The following ADCY2 variants were observed in gnomAD, a reference collection of about 807,000 sequenced individuals.
ADCY2 encodes adenylate cyclase 2.
In ADCY2, 31 loss-of-function variants were observed where a neutral mutation model predicts 125.2. That is an observed-to-expected ratio of 0.25 (90% confidence interval 0.19 to 0.33). The LOEUF (loss-of-function observed/expected upper bound fraction) is 0.33, where lower values mean the gene tolerates loss of function less well. ADCY2 is among the 10% of genes least tolerant of loss of function. The pLI is 1.00. For synonymous variants in ADCY2, 512 were observed against 548.4 expected (o/e 0.93, Z 0.93); for missense variants, 904 against 1,418.2 (o/e 0.64, Z 5.82).
In ADCY2 at chr5:7,396,268, G is replaced by T; in HGVS notation, c.-29G>T. The T allele has an allele frequency of 3.7e-6, 4 of 1,093,912 alleles. No individual in the cohort carries two copies. The highest frequency in any genetic ancestry group is 4.4e-6 in the Non-Finnish European group (4 of 900,296). 67.8% of individuals were successfully genotyped at this position (1,093,912 alleles called of 1,614,324 possible). A position where few individuals can be genotyped will look rare whatever the true frequency, so the allele number is the denominator to read the frequency against. The stretch of plus-strand genomic sequence containing the variant: ...GAGCGGCGCTGCCCGGGCCGGGCGC[G>T]CACGGCGGGCGCCCTGTGAGCGGCC... On this transcript the variant is annotated 5_prime_UTR_variant, in exon 1 of 25. Transcript: ENST00000338316. The surrounding 1 kb of genome is among the most constrained non-coding windows in gnomAD (Gnocchi z 5.7).
intron 3 of ADCY2, among the ~76,000 whole-genome samples, chr5:7,546,961 C>G (rs1009667660): frequency 2.0e-5 from 3 of 152,186 alleles, no homozygotes; most frequent in Admixed American, 6.5e-5. Context: ...CCATAAACAA[C>G]TTTACATCAT....
chr5:7,703,885 C>A (rs1344101063), intron 7 of ADCY2, among the ~76,000 whole-genome samples: 9 of 151,662 alleles, frequency 5.9e-5, no homozygotes, highest in Non-Finnish European at 1.2e-4. Context: ...ACGCCTGTAA[C>A]TTTAGCTACT....
chr5:7,431,207 TG>T (rs1740587145), intron 2 of ADCY2, among the ~76,000 whole-genome samples: 1 of 152,182 alleles, frequency 6.6e-6, no homozygotes, highest in Non-Finnish European at 1.5e-5. Context: ...TTTAGGCCAA[TG>T]GGATACACTA....
chr5:7,705,649 C>G (rs1741243895), intron 7 of ADCY2, among the ~76,000 whole-genome samples: 1 of 152,128 alleles, frequency 6.6e-6, no homozygotes, highest in Admixed American at 6.5e-5. Context: ...TGCTGATGCT[C>G]TGGCTCGTTT....
chr5:7,598,772 G>A (rs552133012), intron 3 of ADCY2, among the ~76,000 whole-genome samples: 19 of 152,124 alleles, frequency 1.2e-4, no homozygotes, highest in African/African-American at 1.7e-4. Context: ...GACACCTCCC[G>A]AAAGAGCCAC....
intron 2 of ADCY2, among the ~76,000 whole-genome samples, chr5:7,512,081 C>T (rs750309491): frequency 1.3e-5 from 2 of 150,898 alleles, no homozygotes; most frequent in Non-Finnish European, 3.0e-5. Flanking sequence ...ATTAGCCAGG[C>T]GTGGTGGTGC....
At chr5:7,420,975 G>T (rs1184433325) in intron 2 of ADCY2, among the ~76,000 whole-genome samples, 3 of 152,082 alleles carry the variant, frequency 2.0e-5, no homozygotes, top group Admixed American at 1.3e-4. Context: ...TAGTAAGTGG[G>T]ATCATTTTTA....
chr5:7,446,608 A>G (rs1741266209), intron 2 of ADCY2, among the ~76,000 whole-genome samples: 1 of 152,164 alleles, frequency 6.6e-6, no homozygotes, highest in Non-Finnish European at 1.5e-5. Flanking sequence ...GGTATACAGA[A>G]TAGAGTTATT....
chr5:7,787,082 A>T (rs1744105418), intron 19 of ADCY2, among the ~76,000 whole-genome samples: 1 of 152,112 alleles, frequency 6.6e-6, no homozygotes, highest in Non-Finnish European at 1.5e-5. Flanking sequence ...TCTTCATGGG[A>T]TCTGGGCCCC....
intron 3 of ADCY2, among the ~76,000 whole-genome samples, chr5:7,545,004 A>G (rs1735106078): frequency 6.6e-6 from 1 of 152,178 alleles, no homozygotes; most frequent in South Asian, 2.1e-4. Flanking sequence ...CCTCTGGGCT[A>G]GCAAGGAAGA....
intron 19 of ADCY2, 36 bp downstream of exon 19, chr5:7,784,485 T>G (rs185918062): frequency 3.4e-4 from 495 of 1,461,450 alleles, no homozygotes; most frequent in Admixed American, 1.8e-3. Context: ...ATGTATACCT[T>G]CTCTAAAGTG....
chr5:7,398,790 T>G (rs540137210), intron 1 of ADCY2, among the ~76,000 whole-genome samples: 2 of 152,364 alleles, frequency 1.3e-5, no homozygotes, highest in East Asian at 3.9e-4. Context: ...AAATGTGCCC[T>G]GTGTTCTGAA....
Position 7,725,833 on chromosome 5 carries a change from CA to C in ADCY2, c.1773+1223del, listed in dbSNP as rs1741912370. Among the ~76,000 whole-genome samples the C allele has an allele frequency of 5.3e-5, 8 of 152,170 alleles. 1 individual carries two copies. In the South Asian group the frequency reaches 1.7e-3, roughly 32 times the overall value. On this transcript the variant is annotated intron_variant, in intron 13 of 24. Coordinates refer to ENST00000338316, the MANE Select transcript of ADCY2 (RefSeq NM_020546.3). Reference sequence around the variant, plus strand: ...GGAAATTATGCTGGCTACTAAGTCACAAAATATACCCCCCAAAATTCTAGTA... The same window carrying C: ...GGAAATTATGCTGGCTACTAAGTCACAAATATACCCCCCAAAATTCTAGTA...
At chr5:7,820,458 C>T in intron 23 of ADCY2, 107 bp from the exon 24 acceptor site, 1 of 1,404,880 alleles carries the variant, frequency 7.1e-7, no homozygotes, top group Non-Finnish European at 9.6e-7. Context: ...TGCGCCACTG[C>T]ACTCCAGCCT....
intron 3 of ADCY2, among the ~76,000 whole-genome samples, chr5:7,547,775 T>C (rs1735194590): frequency 6.6e-6 from 1 of 152,188 alleles, no homozygotes; most frequent in Non-Finnish European, 1.5e-5. Flanking sequence ...ATGGTTTTGT[T>C]TTTGACAATG....
chr5:7,814,283 A>C (rs1745034786), intron 22 of ADCY2, among the ~76,000 whole-genome samples: 1 of 152,038 alleles, frequency 6.6e-6, no homozygotes, highest in African/African-American at 2.4e-5. Context: ...CTTCTTCTCC[A>C]TTCATATTTA....
In ADCY2 at chr5:7,396,788, C is replaced by A. The variant is rs1267022407; in HGVS notation, c.210+282C>A. Among the ~76,000 whole-genome samples the A allele has an allele frequency of 7.9e-5, 12 of 152,174 alleles. No individual in the cohort carries two copies. ...GGACGGGCAGGGCGTGTGCTTTTTG[C>A]ATCTTTGCGCACCCGCTGGCAAACT... is the stretch of plus-strand genomic sequence containing the variant. On this transcript the variant is annotated intron_variant, in intron 1 of 24. Transcript: ENST00000338316. The surrounding 1 kb of genome is among the most constrained non-coding windows in gnomAD (Gnocchi z 5.7).
Position 7,785,536 on chromosome 5 carries a change from C to A in ADCY2, c.2469+1087C>A, listed in dbSNP as rs377722099. The stretch of plus-strand genomic sequence containing the variant: ...ATTCTTTGGCTTGCAGTTTTGACAA[C>A]CTGCACCATATCCGGTTCTTTTTCC... On this transcript the variant is annotated intron_variant, in intron 19 of 24. Coordinates refer to ENST00000338316, the MANE Select transcript of ADCY2 (RefSeq NM_020546.3). Among the ~76,000 whole-genome samples the A allele has an allele frequency of 3.3e-5, 5 of 150,536 alleles. No individual in the cohort carries two copies. In the East Asian group the frequency reaches 8.0e-4, roughly 24 times the overall value.
intron 2 of ADCY2, among the ~76,000 whole-genome samples, chr5:7,505,036 C>T (rs1014455588): frequency 6.6e-6 from 1 of 151,656 alleles, no homozygotes; most frequent in African/African-American, 2.4e-5. Context: ...CACCACCATG[C>T]CTTTCTGTGG....
Sources: allele counts gnomAD v4.1 joint callset (sites outside exome capture counted in the v4.1 genomes callset), GRCh38; gene constraint gnomAD v4.1.1; non-coding constraint Gnocchi (gnomAD v3.1); transcripts MANE v1.5; gene names NCBI Gene and HGNC (gene_info 2026-07-23, HGNC 2026-07-21).